Variants in ABCA9 observed in about 807,000 individuals in gnomAD.
ABCA9 encodes ATP-binding cassette sub-family A member 9.
A neutral mutation model predicts 205.3 loss-of-function variants in ABCA9; 183 were observed. The ratio of observed to expected loss-of-function variants is 0.89; its 90% CI spans 0.79 to 1.01. The LOEUF (loss-of-function observed/expected upper bound fraction) is 1.01. Ranked by LOEUF, ABCA9 falls within the 50% of genes least tolerant of loss-of-function variation. The pLI, the probability that ABCA9 is intolerant of heterozygous loss-of-function variation, is 0.00. For synonymous variants in ABCA9, 651 were observed against 683.3 expected (o/e 0.95, Z 0.74); for missense variants, 1,805 against 1,912.4 (o/e 0.94, Z 1.05).
In ABCA9 at chr17:68,975,933, G is replaced by C; in HGVS notation, c.4857C>G (p.Leu1619=). The C allele has an allele frequency of 5.6e-6, 9 of 1,612,912 alleles. No homozygotes were observed. The highest frequency in any genetic ancestry group is 7.6e-6 in the Non-Finnish European group (9 of 1,179,428). ...DFDPSVKWKL[L]LQEEP is the part of the protein sequence containing the mutation. ...TGGAGCTTTAAGGCTCTTCCTGCAG[G>C]AGGAGTTTCCACTTCACCGAGGGAT... Residue 1619 remains leucine (L), a synonymous_variant, in exon 39 of 39, where the codon CTC becomes CTG. Coordinates refer to ENST00000340001, the MANE Select transcript of ABCA9 (RefSeq NM_080283.4).
chr17:69,049,330 GT>G lies in ABCA9; in HGVS notation c.256del (p.Thr86LeufsTer5). 6.2e-7 allele frequency: 1 copy of G among 1,613,296 alleles called. No individual in the cohort carries two copies. On this transcript the variant is annotated frameshift_variant, in exon 3 of 39. Coordinates refer to ENST00000340001, the MANE Select transcript of ABCA9 (RefSeq NM_080283.4). LOFTEE classifies it high-confidence loss of function. ...YVIAFAPESKTTQEIMNKVAS... is the reference protein window; with the variant it reads ...YVIAFAPESKXTQEIMNKVAS... ...CACTTTGTTCATTATCTCTTGGGTA[GT>G]TTTGGATTCAGGTGCAAATGCAATA...
chr17:69,058,483 T>C (rs2072136520), intron 1 of ABCA9, among the ~76,000 whole-genome samples: 1 of 152,156 alleles, frequency 6.6e-6, no homozygotes, highest in Admixed American at 6.5e-5. Context: ...TTGCAGGGAA[T>C]ACTGTGCTGC....
At chr17:68,982,869 G>A (rs920077965) in intron 36 of ABCA9, among the ~76,000 whole-genome samples, 4 of 152,134 alleles carry the variant, frequency 2.6e-5, no homozygotes, top group Non-Finnish European at 5.9e-5. Context: ...AGCCAGGAAT[G>A]GTGGTGTGTG....
At chr17:68,986,084 C>T in intron 32 of ABCA9, 80 bp downstream of exon 32, 1 of 1,420,894 alleles carries the variant, frequency 7.0e-7, no homozygotes, top group Non-Finnish European at 9.4e-7. Flanking sequence ...CAATTACAAC[C>T]TCCCTGTCTT....
intron 28 of ABCA9, 27 bp downstream of exon 28, chr17:68,992,148 C>A (rs779103339): frequency 1.4e-6 from 2 of 1,448,706 alleles, no homozygotes; most frequent in South Asian, 1.3e-5. Flanking sequence ...CAAAATGAAA[C>A]ATGAAATTCG....
chr17:68,990,150 T>C (rs763220026), intron 29 of ABCA9, among the ~76,000 whole-genome samples: 1 of 152,216 alleles, frequency 6.6e-6, no homozygotes, highest in Non-Finnish European at 1.5e-5. Context: ...AGAGCAGGAA[T>C]AGAGACAGTC....
At chr17:68,995,041 GCTTTTGCATTGACA>G (rs1474075776) in intron 26 of ABCA9, among the ~76,000 whole-genome samples, 1 of 152,106 alleles carries the variant, frequency 6.6e-6, no homozygotes, top group Non-Finnish European at 1.5e-5. Context: ...CTCTTACTGT[GCTTTTGCATTGACA>G]CTTTCATTAA....
chr17:68,975,945 C>A lies in ABCA9; in HGVS notation c.4845G>T (p.Lys1615Asn), dbSNP rs1472874327. ...DLEEDFDPSVKWKLLLQEEP is the reference protein window; with the variant it reads ...DLEEDFDPSVNWKLLLQEEP ...GCTCTTCCTGCAGGAGGAGTTTCCA[C>A]TTCACCGAGGGATCAAAGTCCTCTT... The change falls in exon 39 of 39, where the codon AAG (lysine) becomes AAT (asparagine). Residue 1615 changes from lysine to asparagine, a missense_variant. Coordinates refer to ENST00000340001, the MANE Select transcript of ABCA9 (RefSeq NM_080283.4). 6 of 1,613,464 alleles carry A rather than the reference C, an allele frequency of 3.7e-6. No individual in the cohort carries two copies. Among genetic ancestry groups the A allele is most frequent in the Non-Finnish European group, 3.4e-6 (4 of 1,179,742 alleles).
At chr17:68,977,968 T>G (rs1469591686) in intron 37 of ABCA9, among the ~76,000 whole-genome samples, 2 of 152,324 alleles carry the variant, frequency 1.3e-5, no homozygotes, top group East Asian at 3.9e-4. Flanking sequence ...TGGAGAGTTC[T>G]GTAGATGTCT....
Position 68,990,948 on chromosome 17 carries a change from T to C in ABCA9, c.3726A>G (p.Pro1242=), listed in dbSNP as rs1166089559. The change falls in exon 29 of 39, where the codon CCA becomes CCG. Residue 1242 remains proline (P), a synonymous_variant. Coordinates refer to ENST00000340001, the MANE Select transcript of ABCA9 (RefSeq NM_080283.4). ...GGTTTGGAAAAATAGCGTTGCTTCT[T>C]GGAGAAATTCTGAAATCAAAACAGT... ...MRKDPVFRIS[P]RSNAIFPNPE... 6.2e-7 allele frequency: 1 copy of C among 1,608,942 alleles called. No individual in the cohort carries two copies.
Position 68,975,720 on chromosome 17 carries a change from G to C in ABCA9, c.*195C>G. 1 of 561,976 alleles carries C rather than the reference G, an allele frequency of 1.8e-6. No individual in the cohort carries two copies. Among genetic ancestry groups the C allele is most frequent in the South Asian group, 2.2e-5 (1 of 45,570 alleles). 34.8% of individuals were successfully genotyped at this position (561,976 alleles called of 1,614,324 possible). On this transcript the variant is annotated 3_prime_UTR_variant, in exon 39 of 39. Coordinates refer to ENST00000340001, the MANE Select transcript of ABCA9 (RefSeq NM_080283.4). ...GCTGGCACAAAGGCTGCATGGTATG[G>C]CTTAGGCTTATGCCCTATGATCGCC...
At chr17:69,002,559 T>G (rs1344269611) in intron 25 of ABCA9, among the ~76,000 whole-genome samples, 1 of 149,834 alleles carries the variant, frequency 6.7e-6, no homozygotes, top group Non-Finnish European at 1.5e-5. Flanking sequence ...AATTTTGGAA[T>G]AGGTGTGGTG....
intron 29 of ABCA9, 54 bp downstream of exon 29, chr17:68,990,783 C>A: frequency 6.3e-7 from 1 of 1,591,776 alleles, no homozygotes; most frequent in South Asian, 1.2e-5. Context: ...GAAAGTTTCT[C>A]ACTTTATCTG....
At position 69,056,674 on chromosome 17, in the gene ABCA9, T is replaced by G. The variant is rs544563648; in HGVS notation, c.-14+4192A>C. Among the ~76,000 whole-genome samples the G allele has an allele frequency of 9.8e-4, 150 of 152,304 alleles. 1 individual carries two copies. The highest frequency in any genetic ancestry group is 3.5e-3 in the African/African-American group (145 of 41,566). ...ATGAAATACAATTCTGAATCTTTGT[T>G]CTGTATCTTTCAACTCCTCGTCCTT... On this transcript the variant is annotated intron_variant, in intron 1 of 38. Transcript: ENST00000340001.
intron 25 of ABCA9, among the ~76,000 whole-genome samples, chr17:68,998,745 G>A (rs767651000): frequency 2.6e-4 from 39 of 151,750 alleles, no homozygotes; most frequent in Admixed American, 9.2e-4. Flanking sequence ...ATTTATATAT[G>A]TAATTAGATT....
At chr17:69,012,678 C>A (rs2070424991) in intron 22 of ABCA9, among the ~76,000 whole-genome samples, 1 of 152,084 alleles carries the variant, frequency 6.6e-6, no homozygotes, top group Non-Finnish European at 1.5e-5. Context: ...GTGAAGTAAG[C>A]ACATCATGGA....
Position 69,007,844 on chromosome 17 carries a change from G to T in ABCA9, c.3350C>A (p.Ser1117Tyr). ...QILCSIGYVS[S>Y]LVFLTYVISF... ...AATCACATATGTCAAGAAAACAAGA[G>T]ATGAGACATAGCCAATACTACACAG... The change falls in exon 25 of 39, where the codon TCT becomes TAT. Residue 1117 changes from serine to tyrosine, a missense_variant. Ser to Tyr is a moderately radical substitution (Grantham distance 144). Transcript: ENST00000340001. 6.2e-7 allele frequency: 1 copy of T among 1,608,992 alleles called. No individual in the cohort carries two copies. The highest frequency in any genetic ancestry group is 8.5e-7 in the Non-Finnish European group (1 of 1,175,978).
chr17:69,035,515 A>T (rs2071303405), intron 7 of ABCA9, 84 bp from the exon 8 acceptor site: 1 of 1,360,984 alleles, frequency 7.3e-7, no homozygotes, highest in Non-Finnish European at 9.7e-7. Context: ...ATAAAAGTAT[A>T]TTTTATATTT....
intron 36 of ABCA9, 113 bp downstream of exon 36, chr17:68,983,596 T>A (rs945742257): frequency 3.5e-6 from 5 of 1,408,588 alleles, no homozygotes; most frequent in Non-Finnish European, 4.8e-6. Flanking sequence ...GTAAAGTACT[T>A]GCAATTACCA....
Sources: gnomAD v4.1 joint callset for allele counts (sites outside exome capture counted in the v4.1 genomes callset) on GRCh38, gnomAD v4.1.1 for gene constraint, MANE v1.5 for transcripts, NCBI Gene and HGNC (gene_info 2026-07-23, HGNC 2026-07-21) for gene names.